Variants in PPP1R9A observed in about 807,000 individuals in gnomAD.
The protein encoded by PPP1R9A is neurabin-1.
PPP1R9A carries 59 observed loss-of-function variants against 141.9 expected under a neutral mutation model. That is an observed-to-expected ratio of 0.42 (90% CI 0.34 to 0.52). The LOEUF (loss-of-function observed/expected upper bound fraction) is 0.52, where lower values mean the gene tolerates loss of function less well. Among genes scored for constraint, PPP1R9A ranks in the 20% least tolerant of loss-of-function variants. PPP1R9A has a pLI of 0.10. For missense variants in PPP1R9A, 1,444 were observed against 1,611.9 expected (o/e 0.90, Z 1.78); for synonymous variants, 500 against 569.7 (o/e 0.88, Z 1.74).
chr7:95,160,976 G>T lies in PPP1R9A; in HGVS notation c.1650-891G>T, dbSNP rs369483416. On this transcript the variant is annotated intron_variant, in intron 4 of 19. Coordinates refer to ENST00000433360, the MANE Select transcript of PPP1R9A (RefSeq NM_001166160.2). ...TGTCTTTGCTGTTGTGAACAGTGCT[G>T]CAGTGAACATGCATGTATCATTTTG... is the stretch of plus-strand genomic sequence containing the variant. Among the ~76,000 whole-genome samples, 23 of 152,268 alleles carry T rather than the reference G, an allele frequency of 1.5e-4. No homozygotes were observed. In the East Asian group the frequency reaches 3.3e-3, roughly 22 times the overall value.
intron 2 of PPP1R9A, among the ~76,000 whole-genome samples, chr7:95,070,920 G>A (rs1481137809): frequency 6.6e-6 from 1 of 151,824 alleles, no homozygotes; most frequent in Non-Finnish European, 1.5e-5. Context: ...ACCAAGAGAG[G>A]CAGGCCTCAG....
At chr7:95,138,564 C>T (rs1475696885) in intron 4 of PPP1R9A, among the ~76,000 whole-genome samples, 1 of 152,044 alleles carries the variant, frequency 6.6e-6, no homozygotes, top group Non-Finnish European at 1.5e-5. Flanking sequence ...TTGAGAAACA[C>T]AGTTAAGAAC....
At chr7:95,176,014 A>T (rs761014841) in intron 5 of PPP1R9A, among the ~76,000 whole-genome samples, 4 of 152,086 alleles carry the variant, frequency 2.6e-5, no homozygotes, top group African/African-American at 7.2e-5. Context: ...GTAGGCTCTC[A>T]TCATGAATTT....
chr7:95,198,789 T>C (rs918282183), intron 6 of PPP1R9A, among the ~76,000 whole-genome samples: 6 of 152,244 alleles, frequency 3.9e-5, no homozygotes, highest in Non-Finnish European at 8.8e-5. Flanking sequence ...ATGTCATCTT[T>C]ATTGGTGGAA....
chr7:95,088,495 A>AGC (rs1160448877), intron 2 of PPP1R9A, among the ~76,000 whole-genome samples: 1 of 152,020 alleles, frequency 6.6e-6, no homozygotes, highest in Non-Finnish European at 1.5e-5. Flanking sequence ...GTAGAGGAAA[A>AGC]ATCACACCCG....
At chr7:95,110,989 G>A (rs923807475) in intron 2 of PPP1R9A, among the ~76,000 whole-genome samples, 3 of 152,268 alleles carry the variant, frequency 2.0e-5, no homozygotes, top group South Asian at 2.1e-4. Flanking sequence ...TATAAAAGGC[G>A]ATAAATATTG....
intron 4 of PPP1R9A, among the ~76,000 whole-genome samples, chr7:95,150,793 G>A (rs1242236276): frequency 6.6e-6 from 1 of 152,092 alleles, no homozygotes; most frequent in African/African-American, 2.4e-5. Flanking sequence ...TAAAGTATAC[G>A]AAAAGCTCTT....
chr7:95,013,459 C>G (rs892924466), intron 2 of PPP1R9A, among the ~76,000 whole-genome samples: 2 of 152,050 alleles, frequency 1.3e-5, no homozygotes, highest in African/African-American at 4.8e-5. Flanking sequence ...CTGCTGATTG[C>G]ATTAGTCTAG....
At position 95,031,443 on chromosome 7, in the gene PPP1R9A, C is replaced by A. The variant is rs143516677; in HGVS notation, c.1396-79816C>A. 6.1e-3 allele frequency among the ~76,000 whole-genome samples: 921 copies of A among 152,192 alleles called. 10 individuals are homozygous for A. Among genetic ancestry groups the A allele is most frequent in the African/African-American group, 0.021 (858 of 41,532 alleles). On this transcript the variant is annotated intron_variant, in intron 2 of 19. Transcript: ENST00000433360. The stretch of plus-strand genomic sequence containing the variant: ...CATAATATTGGATCTTTAATAAAAT[C>A]TTTGCTGTAAAATCAGTATTATAGA...
intron 2 of PPP1R9A, among the ~76,000 whole-genome samples, chr7:95,087,517 A>G (rs761427652): frequency 1.3e-5 from 2 of 152,020 alleles, no homozygotes; most frequent in Non-Finnish European, 2.9e-5. Context: ...TGATGGGGAA[A>G]AAGTGAAACA....
At chr7:94,954,686 C>A (rs1796875899) in intron 2 of PPP1R9A, among the ~76,000 whole-genome samples, 2 of 150,626 alleles carry the variant, frequency 1.3e-5, no homozygotes, top group South Asian at 4.2e-4. Context: ...TGTAACATTT[C>A]CATTTCTGTT....
intron 5 of PPP1R9A, among the ~76,000 whole-genome samples, chr7:95,196,049 T>TA (rs1392377905): frequency 6.8e-6 from 1 of 147,688 alleles, no homozygotes; most frequent in East Asian, 2.0e-4. Context: ...GACTCTGTTT[T>TA]AAAAATAAAA....
rs1252528971 is a variant in PPP1R9A, at chr7:94,973,868, C to T, written c.1395+62360C>T. On this transcript the variant is annotated intron_variant, in intron 2 of 19. Coordinates refer to ENST00000433360, the MANE Select transcript of PPP1R9A (RefSeq NM_001166160.2). ...AAGTAGCTGGAATTACAGGCGCATG[C>T]TGTCACATCCAGCTAATTTTTTATT... is the stretch of plus-strand genomic sequence containing the variant. Among the ~76,000 whole-genome samples the T allele has an allele frequency of 2.0e-5, 3 of 152,072 alleles. No homozygotes were observed. The East Asian group carries it at 5.8e-4, about 29-fold the overall frequency.
At chr7:94,957,174 C>T (rs1166045767) in intron 2 of PPP1R9A, among the ~76,000 whole-genome samples, 1 of 152,040 alleles carries the variant, frequency 6.6e-6, no homozygotes, top group East Asian at 1.9e-4. Context: ...ATTCTTAAGG[C>T]ACTGCATCAG....
At chr7:95,158,282 C>G (rs1368419714) in intron 4 of PPP1R9A, among the ~76,000 whole-genome samples, 1 of 152,020 alleles carries the variant, frequency 6.6e-6, no homozygotes, top group Non-Finnish European at 1.5e-5. Context: ...AATTAGATTG[C>G]CAACACATAT....
At chr7:94,911,948 T>A (rs917582785) in intron 2 of PPP1R9A, among the ~76,000 whole-genome samples, 3 of 152,190 alleles carry the variant, frequency 2.0e-5, no homozygotes, top group Non-Finnish European at 4.4e-5. Context: ...GGGAATAATA[T>A]TCGATTTACT....
chr7:95,117,720 A>T (rs1279911572), intron 3 of PPP1R9A, among the ~76,000 whole-genome samples: 1 of 152,168 alleles, frequency 6.6e-6, no homozygotes, highest in African/African-American at 2.4e-5. Flanking sequence ...TTGTACGGTA[A>T]TGAGTATGGG....
intron 2 of PPP1R9A, among the ~76,000 whole-genome samples, chr7:94,987,972 AAC>A (rs1247084593): frequency 5.3e-5 from 8 of 152,134 alleles, no homozygotes; most frequent in African/African-American, 1.9e-4. Context: ...AAGGTGATAA[AAC>A]ACATCCTACT....
intron 2 of PPP1R9A, among the ~76,000 whole-genome samples, chr7:94,984,873 A>C (rs949512288): frequency 5.3e-5 from 8 of 152,124 alleles, no homozygotes; most frequent in Admixed American, 5.2e-4. Context: ...GCCTTCTGCT[A>C]ACTTTTGAAT....
Sources: allele counts gnomAD v4.1 joint callset (sites outside exome capture counted in the v4.1 genomes callset), GRCh38; gene constraint gnomAD v4.1.1; transcripts MANE v1.5; gene names NCBI Gene and HGNC (gene_info 2026-07-23, HGNC 2026-07-21).